Variants in AKAP9 observed in about 807,000 individuals in gnomAD.
AKAP9 encodes A-kinase anchoring protein 9.
AKAP9 carries 311 observed loss-of-function variants against 488.5 expected under a neutral mutation model. The observed-to-expected ratio is 0.64, with a 90% CI of 0.58 to 0.70. The LOEUF is 0.70. AKAP9 is among the 30% of genes least tolerant of loss of function. The pLI is 0.00. For missense variants in AKAP9, 4,215 were observed against 4,374.5 expected (o/e 0.96, Z 1.03); for synonymous variants, 1,462 against 1,483.5 (o/e 0.99, Z 0.33).
chr7:91,941,367 T>C (rs554701053), intron 1 of AKAP9, among the ~76,000 whole-genome samples: 1 of 152,350 alleles, frequency 6.6e-6, no homozygotes, highest in South Asian at 2.1e-4. Context: ...TCCGCGAGGA[T>C]TGAATATTGT....
chr7:92,027,075 G>GGA (rs1427290841), intron 14 of AKAP9, among the ~76,000 whole-genome samples: 2 of 141,466 alleles, frequency 1.4e-5, no homozygotes, highest in African/African-American at 5.3e-5. Context: ...TGGGAGGTGA[G>GGA]GAGCTTCTCT....
In AKAP9 at chr7:92,079,240, G is replaced by A. The variant is rs770247481; in HGVS notation, c.7107G>A (p.Lys2369=). 1.2e-6 allele frequency: 2 copies of A among 1,613,988 alleles called. No individual in the cohort carries two copies. The highest frequency in any genetic ancestry group is 3.3e-5 in the Admixed American group (2 of 60,014). ...AGGAATTGGCAAATATTGGACAGAAGACATCAATGAATGCTCATTCCCTCT... is the reference window on the plus strand; with the variant it reads ...AGGAATTGGCAAATATTGGACAGAAAACATCAATGAATGCTCATTCCCTCT... The part of the protein sequence containing the change: ...LQQELANIGQ[K]TSMNAHSLSE... The change falls in exon 31 of 50, where the codon AAG becomes AAA. Residue 2369 remains lysine, a synonymous_variant. Transcript: ENST00000356239.
chr7:92,104,625 A>G (rs1220204342), intron 46 of AKAP9, among the ~76,000 whole-genome samples: 1 of 152,174 alleles, frequency 6.6e-6, no homozygotes, highest in Admixed American at 6.5e-5. Context: ...AGCTAGGACA[A>G]CCAGCCCAGT....
chr7:92,089,546 G>C lies in AKAP9; in HGVS notation c.9358+17G>C, dbSNP rs76156185. The C allele has an allele frequency of 6.5e-5, 104 of 1,611,620 alleles. No homozygotes were observed. The East Asian group carries it at 2.3e-3, about 36-fold the overall frequency. The stretch of plus-strand genomic sequence containing the variant: ...CAAGCCAAGGTATGTTGTATGACAA[G>C]CTCATATGGTTACACAAACAGGTGA... On this transcript the variant is annotated intron_variant, in intron 38 of 49. Transcript: ENST00000356239.
At position 92,083,567 on chromosome 7, in the gene AKAP9, T is replaced by TA; in HGVS notation, c.8561dup (p.Arg2855GlufsTer27). 1 of 1,602,342 alleles carries TA rather than the reference T, an allele frequency of 6.2e-7. No individual in the cohort carries two copies. The highest frequency in any genetic ancestry group is 8.5e-7 in the Non-Finnish European group (1 of 1,175,450). Reference sequence around the variant, plus strand: ...AGACATATTTCAGAAACTGAAACCTTAAAGAGGGAACACTATGTTGCCGTT... The same window carrying TA: ...AGACATATTTCAGAAACTGAAACCTTAAAAGAGGGAACACTATGTTGCCGTT... On this transcript the variant is annotated frameshift_variant, in exon 33 of 50. Transcript: ENST00000356239. LOFTEE classifies it high-confidence loss of function.
chr7:92,081,700 G>T (rs1266577771), intron 31 of AKAP9, among the ~76,000 whole-genome samples: 1 of 151,700 alleles, frequency 6.6e-6, no homozygotes. Context: ...GTTGACCTCT[G>T]TAAGTTTACT....
In AKAP9 at chr7:92,086,237, A is replaced by G. The variant is rs867771001; in HGVS notation, c.9034A>G (p.Ser3012Gly). The G allele has an allele frequency of 6.2e-7, 1 of 1,613,914 alleles. No individual in the cohort carries two copies. The highest frequency in any genetic ancestry group is 1.7e-4 in the Middle Eastern group (1 of 6,058). ...ATATGTACTTTGCTAGGTTTATGAT[A>G]GTTCTCAATCTCATGAGAGCTTCTC... is the stretch of plus-strand genomic sequence containing the variant. The part of the protein sequence containing the change: ...QLQREAEVYD[S>G]SQSHESFSDW... Residue 3012 changes from serine (S) to glycine (G), a missense_variant, in exon 37 of 50, where the codon AGT (serine) becomes GGT (glycine). Transcript: ENST00000356239.
rs150142860 is a variant in AKAP9, at chr7:92,030,932, G to A, written c.4246-580G>A. On this transcript the variant is annotated intron_variant, in intron 15 of 49. Transcript: ENST00000356239. ...AAAAGTAAGATCATCGTTCTTCCTCGCTCAGTATACAGAGGAAAGATGTTA... is the reference window on the plus strand; with the variant it reads ...AAAAGTAAGATCATCGTTCTTCCTCACTCAGTATACAGAGGAAAGATGTTA... Among the ~76,000 whole-genome samples the A allele has an allele frequency of 2.3e-3, 356 of 152,186 alleles. 1 individual carries two copies. Among genetic ancestry groups the A allele is most frequent in the Middle Eastern group, 3.4e-3 (1 of 294 alleles).
intron 24 of AKAP9, chr7:92,063,371 G>A: frequency 3.2e-6 from 2 of 625,638 alleles, no homozygotes; most frequent in Non-Finnish European, 4.0e-6. Flanking sequence ...ATACGTGTGT[G>A]TGCATGTGCA....
At chr7:92,089,681 C>T (rs1181024539) in intron 38 of AKAP9, 152 bp downstream of exon 38, 1 of 880,916 alleles carries the variant, frequency 1.1e-6, no homozygotes, top group Middle Eastern at 3.6e-4. Context: ...ATATTAATTA[C>T]TCTAGGGGTT....
At chr7:92,015,193 G>A (rs901687497) in intron 10 of AKAP9, among the ~76,000 whole-genome samples, 7 of 152,066 alleles carry the variant, frequency 4.6e-5, no homozygotes, top group Non-Finnish European at 1.0e-4. Context: ...AGTTATATGA[G>A]GAACAAAGGT....
intron 45 of AKAP9, among the ~76,000 whole-genome samples, chr7:92,101,762 A>G (rs2130911300): frequency 6.6e-6 from 1 of 152,356 alleles, no homozygotes; most frequent in Admixed American, 6.5e-5. Flanking sequence ...TGTTAAAACT[A>G]CCTTAATCAG....
intron 1 of AKAP9, among the ~76,000 whole-genome samples, chr7:91,955,514 T>C (rs1303009295): frequency 6.6e-6 from 1 of 152,242 alleles, no homozygotes; most frequent in African/African-American, 2.4e-5. Context: ...TTTCCTGTGC[T>C]TGAACTTAAT....
At chr7:92,028,295 T>TAAAA (rs57352733) in intron 14 of AKAP9, among the ~76,000 whole-genome samples, 142 of 65,100 alleles carry the variant, frequency 2.2e-3, no homozygotes, top group Non-Finnish European at 3.1e-3. Flanking sequence ...CAATAAATAC[T>TAAAA]AAAAAAAAAA....
intron 28 of AKAP9, among the ~76,000 whole-genome samples, chr7:92,075,603 A>T (rs1812455016): frequency 1.3e-5 from 2 of 152,250 alleles, no homozygotes; most frequent in South Asian, 4.2e-4. Flanking sequence ...TTCTCCACAT[A>T]CTCGCCATGT....
chr7:92,057,842 A>G (rs1264534519), intron 22 of AKAP9: 4 of 227,100 alleles, frequency 1.8e-5, no homozygotes, highest in African/African-American at 9.0e-5. Context: ...GGACTTAATT[A>G]TGCTAGTTTA....
chr7:92,005,988 G>T (rs1799797799), intron 8 of AKAP9, among the ~76,000 whole-genome samples: 1 of 151,960 alleles, frequency 6.6e-6, no homozygotes, highest in Non-Finnish European at 1.5e-5. Flanking sequence ...AACTGTTAAT[G>T]TTCTGTTAAA....
At chr7:91,970,567 C>G in intron 1 of AKAP9, 1 of 445,356 alleles carries the variant, frequency 2.2e-6, no homozygotes, top group Non-Finnish European at 4.5e-6. Flanking sequence ...TGTTCCTCTT[C>G]TTTGTATTTG....
chr7:91,940,965 GGC>G lies in AKAP9; in HGVS notation c.-133_-132del. 1.1e-6 allele frequency: 1 copy of G among 934,394 alleles called. No individual in the cohort carries two copies. Among genetic ancestry groups the G allele is most frequent in the Non-Finnish European group, 1.7e-6 (1 of 572,228 alleles). 57.9% of individuals were successfully genotyped at this position (934,394 alleles called of 1,614,324 possible). On this transcript the variant is annotated 5_prime_UTR_variant, in exon 1 of 50. Transcript: ENST00000356239. ...GAGCGCGGAGACTGCTTCCACTTCG[GGC>G]GGGGGAGCGCCGGACCGAATCGGCT... is the stretch of plus-strand genomic sequence containing the variant.
Sources: allele counts gnomAD v4.1 joint callset (sites outside exome capture counted in the v4.1 genomes callset), GRCh38; gene constraint gnomAD v4.1.1; transcripts MANE v1.5; gene names NCBI Gene and HGNC (gene_info 2026-07-23, HGNC 2026-07-21).